PTPRD: variants seen among roughly 807,000 people sequenced by gnomAD.
PTPRD encodes protein tyrosine phosphatase receptor type D, also known as receptor-type tyrosine-protein phosphatase delta.
A neutral mutation model predicts 214.5 loss-of-function variants in PTPRD; 34 were observed. The ratio of observed to expected loss-of-function variants is 0.16; its 90% confidence interval spans 0.12 to 0.21. The LOEUF (loss-of-function observed/expected upper bound fraction) is 0.21, where lower values mean the gene tolerates loss of function less well. PTPRD is among the 10% of genes least tolerant of loss of function. The pLI is 1.00. For missense variants in PTPRD, 2,545 were observed against 2,398.7 expected (o/e 1.06, Z -1.27); for synonymous variants, 1,128 against 845.7 (o/e 1.33, Z -5.79).
chr9:9,074,182 G>A (rs1342859254), intron 10 of PTPRD, among the ~76,000 whole-genome samples: 1 of 152,018 alleles, frequency 6.6e-6, no homozygotes, highest in African/African-American at 2.4e-5. Context: ...GTGAAATGAT[G>A]GTTACTTTTC....
intron 12 of PTPRD, among the ~76,000 whole-genome samples, chr9:8,638,832 T>A (rs1050881345): frequency 6.6e-6 from 1 of 152,090 alleles, no homozygotes; most frequent in African/African-American, 2.4e-5. Context: ...TAATTTTATT[T>A]TTTATTTATT....
At chr9:10,447,358 T>G (rs1178652133) in intron 2 of PTPRD, among the ~76,000 whole-genome samples, 1 of 152,002 alleles carries the variant, frequency 6.6e-6, no homozygotes, top group Non-Finnish European at 1.5e-5. Context: ...CACCATCATC[T>G]TCCTTGATTG....
At chr9:10,219,131 G>A in intron 3 of PTPRD, among the ~76,000 whole-genome samples, 1 of 151,486 alleles carries the variant, frequency 6.6e-6, no homozygotes, top group East Asian at 1.9e-4. Context: ...GACTGACGGG[G>A]GATCTGATAG....
At chr9:9,382,630 T>C (rs1039209954) in intron 9 of PTPRD, among the ~76,000 whole-genome samples, 1 of 152,096 alleles carries the variant, frequency 6.6e-6, no homozygotes, top group African/African-American at 2.4e-5. Flanking sequence ...AGGATGGTTT[T>C]ATTGAGAAAG....
intron 35 of PTPRD, among the ~76,000 whole-genome samples, chr9:8,427,550 C>T (rs1445299329): frequency 1.3e-5 from 2 of 152,074 alleles, no homozygotes; most frequent in Non-Finnish European, 2.9e-5. Flanking sequence ...ACACCTGACC[C>T]AGAGAGGCTT....
At chr9:8,504,115 A>T in intron 23 of PTPRD, 146 bp downstream of exon 23, 1 of 755,036 alleles carries the variant, frequency 1.3e-6, no homozygotes, top group African/African-American at 1.7e-5. Context: ...TCACAGTTAC[A>T]CTTTCACCTG....
intron 9 of PTPRD, among the ~76,000 whole-genome samples, chr9:9,354,913 G>C (rs922446893): frequency 6.6e-6 from 1 of 151,714 alleles, no homozygotes; most frequent in Admixed American, 6.6e-5. Flanking sequence ...TCCATGCCTG[G>C]CATTTTCAAT....
intron 9 of PTPRD, among the ~76,000 whole-genome samples, chr9:9,196,773 T>G (rs1318070202): frequency 6.6e-6 from 1 of 152,134 alleles, no homozygotes; most frequent in East Asian, 1.9e-4. Flanking sequence ...ACCATAATCT[T>G]TATGTGTCTC....
At chr9:10,246,486 C>T (rs1184927902) in intron 3 of PTPRD, among the ~76,000 whole-genome samples, 1 of 152,136 alleles carries the variant, frequency 6.6e-6, no homozygotes, top group Non-Finnish European at 1.5e-5. Flanking sequence ...TCAGGTGATC[C>T]ATCCCCCTTG....
At chr9:8,568,346 G>A (rs73421077) in intron 14 of PTPRD, among the ~76,000 whole-genome samples, 2 of 152,008 alleles carry the variant, frequency 1.3e-5, no homozygotes, top group East Asian at 3.9e-4. Context: ...TACTAACAGT[G>A]ATTTCAAGGC....
intron 2 of PTPRD, among the ~76,000 whole-genome samples, chr9:10,590,647 A>G (rs747858160): frequency 6.6e-6 from 1 of 151,934 alleles, no homozygotes. Flanking sequence ...TCAGTAGTTC[A>G]TTCTTTTTTA....
At chr9:10,509,580 T>TATATATATATATATA (rs1491395020) in intron 2 of PTPRD, among the ~76,000 whole-genome samples, 51 of 135,012 alleles carry the variant, frequency 3.8e-4, no homozygotes, top group East Asian at 9.1e-4. Context: ...TATATATATA[T>TATATATATATATATA]TTTACTCACT....
intron 10 of PTPRD, among the ~76,000 whole-genome samples, chr9:9,147,255 C>T (rs891958003): frequency 6.1e-5 from 9 of 147,924 alleles, no homozygotes; most frequent in African/African-American, 2.3e-4. Flanking sequence ...CAAAACTATT[C>T]TTTGGAGTAA....
chr9:8,875,879 A>G (rs1403262309), intron 11 of PTPRD, among the ~76,000 whole-genome samples: 1 of 152,178 alleles, frequency 6.6e-6, no homozygotes, highest in African/African-American at 2.4e-5. Flanking sequence ...GGAAAAACAG[A>G]TCCACTTCTT....
Position 8,830,210 on chromosome 9 carries a change from C to T in PTPRD, c.-103-96264G>A, listed in dbSNP as rs560387287. 3.3e-5 allele frequency among the ~76,000 whole-genome samples: 5 copies of T among 152,236 alleles called. No homozygotes were observed. In the East Asian group the frequency reaches 9.7e-4, roughly 29 times the overall value. Reference sequence around the variant, plus strand: ...GACCTGCTCAAGGTCTCACAGCTTACAAGGGGAGAGCCTGAGGTATTAACT... The same window carrying T: ...GACCTGCTCAAGGTCTCACAGCTTATAAGGGGAGAGCCTGAGGTATTAACT... On this transcript the variant is annotated intron_variant, in intron 11 of 45. Transcript: ENST00000381196.
intron 6 of PTPRD, among the ~76,000 whole-genome samples, chr9:9,757,686 G>A (rs1039434329): frequency 6.6e-6 from 1 of 152,016 alleles, no homozygotes. Context: ...AACTCAGTTT[G>A]CCTGTCACAT....
intron 14 of PTPRD, among the ~76,000 whole-genome samples, chr9:8,552,714 C>T (rs1429887812): frequency 2.0e-5 from 3 of 152,144 alleles, no homozygotes; most frequent in African/African-American, 7.2e-5. Context: ...AATGCAACCC[C>T]AAGAATACCT....
At chr9:10,447,642 G>C (rs1380610481) in intron 2 of PTPRD, among the ~76,000 whole-genome samples, 1 of 151,826 alleles carries the variant, frequency 6.6e-6, no homozygotes, top group African/African-American at 2.4e-5. Context: ...CTCAAATACA[G>C]ACAGGAATAC....
intron 2 of PTPRD, among the ~76,000 whole-genome samples, chr9:10,363,313 A>G (rs747250559): frequency 2.6e-5 from 4 of 152,214 alleles, no homozygotes; most frequent in Non-Finnish European, 5.9e-5. Context: ...TAAATAATAG[A>G]TATGACTTTC....
Sources: gnomAD v4.1 joint callset for allele counts (sites outside exome capture counted in the v4.1 genomes callset) on GRCh38, gnomAD v4.1.1 for gene constraint, MANE v1.5 for transcripts, NCBI Gene and HGNC (gene_info 2026-07-23, HGNC 2026-07-21) for gene names.